The following LYPLAL1 variants were observed in gnomAD, a reference collection of about 807,000 sequenced individuals.
LYPLAL1 encodes the protein lysophospholipase-like protein 1.
Under a neutral mutation model 19.7 loss-of-function variants are expected in LYPLAL1, and 23 were observed. That is an observed-to-expected ratio of 1.17 (90% CI 0.84 to 1.65). The LOEUF (loss-of-function observed/expected upper bound fraction) is 1.65. Among genes scored for constraint, LYPLAL1 ranks in the 40% most tolerant of loss-of-function variants. The pLI is 0.00. For synonymous variants in LYPLAL1, 119 were observed against 96.3 expected, an observed-to-expected ratio of 1.24 and a Z score of -1.38; for missense variants, 355 against 279.4, an observed-to-expected ratio of 1.27 and a Z score of -1.93.
At chr1:219,220,061 C>A in the LYPLAL1 span, among the ~76,000 whole-genome samples, 1 of 151,962 alleles carries the variant, frequency 6.6e-6, no homozygotes, top group Non-Finnish European at 1.5e-5. Flanking sequence ...TGTTGCTTTC[C>A]CTATAATAAT....
At chr1:219,264,960 T>G in the LYPLAL1 span, among the ~76,000 whole-genome samples, 1 of 152,222 alleles carries the variant, frequency 6.6e-6, no homozygotes, top group African/African-American at 2.4e-5. Context: ...AAATATCTAA[T>G]TTATTTATTA....
chr1:219,362,275 G>A, the LYPLAL1 span, among the ~76,000 whole-genome samples: 1 of 152,064 alleles, frequency 6.6e-6, no homozygotes, highest in African/African-American at 2.4e-5. Context: ...TATGATTTCT[G>A]CCATTTACTA....
the LYPLAL1 span, among the ~76,000 whole-genome samples, chr1:219,226,939 A>G: frequency 1.3e-5 from 2 of 152,344 alleles, no homozygotes; most frequent in East Asian, 3.9e-4. Context: ...CCAATTCAAT[A>G]TCTTATGATT....
the LYPLAL1 span, among the ~76,000 whole-genome samples, chr1:219,432,370 C>T: frequency 6.6e-6 from 1 of 151,902 alleles, no homozygotes; most frequent in African/African-American, 2.4e-5. Flanking sequence ...TGGTACATTC[C>T]TCCAAAATGA....
At chr1:219,332,826 C>CCA in the LYPLAL1 span, among the ~76,000 whole-genome samples, 10 of 142,110 alleles carry the variant, frequency 7.0e-5, 1 homozygote, top group East Asian at 2.3e-3. Flanking sequence ...TTTTCTGCCC[C>CCA]CCCCCCCCAA....
the LYPLAL1 span, among the ~76,000 whole-genome samples, chr1:219,426,355 G>C: frequency 6.6e-6 from 1 of 152,032 alleles, no homozygotes; most frequent in African/African-American, 2.4e-5. Context: ...TTTCAATTCT[G>C]TTCCTCAGAA....
chr1:219,410,793 G>A, the LYPLAL1 span, among the ~76,000 whole-genome samples: 1 of 151,706 alleles, frequency 6.6e-6, no homozygotes, highest in African/African-American at 2.4e-5. Flanking sequence ...CTTAGCACCC[G>A]GGCCAGTGGC....
intron 3 of LYPLAL1, among the ~76,000 whole-genome samples, chr1:219,204,730 A>G (rs917749452): frequency 5.9e-5 from 9 of 152,196 alleles, no homozygotes; most frequent in Non-Finnish European, 1.3e-4. Flanking sequence ...GAGGTGAAGA[A>G]ACTAAAATTC....
chr1:219,235,926 T>C, the LYPLAL1 span, among the ~76,000 whole-genome samples: 1 of 152,182 alleles, frequency 6.6e-6, no homozygotes, highest in Non-Finnish European at 1.5e-5. Context: ...TTCAACAATA[T>C]TGTTTTCATT....
chr1:219,315,027 G>A, the LYPLAL1 span, among the ~76,000 whole-genome samples: 1 of 151,928 alleles, frequency 6.6e-6, no homozygotes, highest in East Asian at 1.9e-4. Context: ...TGTGAGTATG[G>A]GTGTGTATGT....
the LYPLAL1 span, among the ~76,000 whole-genome samples, chr1:219,329,910 C>T: frequency 1.3e-5 from 2 of 152,128 alleles, no homozygotes; most frequent in African/African-American, 4.8e-5. Flanking sequence ...GCCCCCACCC[C>T]CTCTGATTTA....
the LYPLAL1 span, among the ~76,000 whole-genome samples, chr1:219,234,315 A>G: frequency 6.6e-6 from 1 of 152,220 alleles, no homozygotes; most frequent in Non-Finnish European, 1.5e-5. Context: ...AAGTAGTAAT[A>G]TACTAAAAAT....
chr1:219,244,055 A>G, the LYPLAL1 span, among the ~76,000 whole-genome samples: 3 of 152,134 alleles, frequency 2.0e-5, no homozygotes, highest in Non-Finnish European at 4.4e-5. Context: ...AGAGAAGCCT[A>G]AAAAGAATCC....
At chr1:219,352,426 G>A in the LYPLAL1 span, among the ~76,000 whole-genome samples, 2 of 152,194 alleles carry the variant, frequency 1.3e-5, no homozygotes, top group Non-Finnish European at 2.9e-5. Context: ...GCTGAGGCAG[G>A]AGAATGGCGT....
chr1:219,393,607 C>T, the LYPLAL1 span, among the ~76,000 whole-genome samples: 2 of 152,118 alleles, frequency 1.3e-5, no homozygotes, highest in Non-Finnish European at 2.9e-5. Context: ...AAGTGGCTAA[C>T]TTTGTTTTCC....
At chr1:219,314,422 A>G in the LYPLAL1 span, among the ~76,000 whole-genome samples, 1 of 152,184 alleles carries the variant, frequency 6.6e-6, no homozygotes, top group Non-Finnish European at 1.5e-5. Context: ...AATGGTTGAC[A>G]GAGAGTTTTT....
At chr1:219,387,384 G>T in the LYPLAL1 span, among the ~76,000 whole-genome samples, 7 of 152,178 alleles carry the variant, frequency 4.6e-5, no homozygotes, top group Admixed American at 4.6e-4. Context: ...CAGAGAGGAA[G>T]CTGTCTCCCC....
the LYPLAL1 span, among the ~76,000 whole-genome samples, chr1:219,376,786 G>T: frequency 6.6e-6 from 1 of 152,128 alleles, no homozygotes; most frequent in Admixed American, 6.6e-5. Context: ...TCATTAGAAT[G>T]GGCAATTAGC....
the LYPLAL1 span, among the ~76,000 whole-genome samples, chr1:219,290,002 C>T: frequency 6.6e-6 from 1 of 152,118 alleles, no homozygotes; most frequent in Non-Finnish European, 1.5e-5. Flanking sequence ...TAACCTGGGG[C>T]TCAGTGAGAG....
Sources: gnomAD v4.1 joint callset for allele counts (sites outside exome capture counted in the v4.1 genomes callset) on GRCh38, gnomAD v4.1.1 for gene constraint, MANE v1.5 for transcripts, NCBI Gene and HGNC (gene_info 2026-07-23, HGNC 2026-07-21) for gene names.